TENM4: variants seen among roughly 807,000 people sequenced by gnomAD.
The protein encoded by TENM4 is teneurin transmembrane protein 4.
In TENM4, 82 loss-of-function variants were observed where a neutral mutation model predicts 243.3. The observed-to-expected ratio is 0.34, with a 90% CI of 0.28 to 0.40. The LOEUF (loss-of-function observed/expected upper bound fraction) is 0.40. Ranked by LOEUF, TENM4 falls within the 10% of genes least tolerant of loss-of-function variation. The pLI, the probability that TENM4 is intolerant of heterozygous loss-of-function variation, is 1.00. For missense variants in TENM4, 3,138 were observed against 3,673.3 expected, an observed-to-expected ratio of 0.85 and a Z score of 3.77; for synonymous variants, 1,412 against 1,456.3, an observed-to-expected ratio of 0.97 and a Z score of 0.69.
chr11:78,785,679 A>G (rs1856920885), intron 16 of TENM4, among the ~76,000 whole-genome samples: 1 of 152,238 alleles, frequency 6.6e-6, no homozygotes, highest in Non-Finnish European at 1.5e-5. Flanking sequence ...CATTATTATT[A>G]TTAATATTAA....
chr11:79,153,421 T>G (rs1157526487), intron 3 of TENM4, among the ~76,000 whole-genome samples: 15 of 152,182 alleles, frequency 9.9e-5, no homozygotes, highest in Non-Finnish European at 1.5e-5. Context: ...TGGGAAATTT[T>G]CTTCTCATGT....
In TENM4 at chr11:79,007,137, C is replaced by G. The variant is rs536422245; in HGVS notation, c.493+57601G>C. On this transcript the variant is annotated intron_variant, in intron 6 of 33. Transcript: ENST00000278550. ...GCTTTCATAATCATGTGAGCCAATT[C>G]TTTAAAATAAGCCTCTTTCTATATA... is the stretch of plus-strand genomic sequence containing the variant. 3.3e-5 allele frequency among the ~76,000 whole-genome samples: 5 copies of G among 152,318 alleles called. No individual in the cohort carries two copies. In the South Asian group the frequency reaches 1.0e-3, roughly 32 times the overall value.
At chr11:79,214,988 T>G (rs896641840) in intron 3 of TENM4, among the ~76,000 whole-genome samples, 1 of 152,240 alleles carries the variant, frequency 6.6e-6, no homozygotes, top group Non-Finnish European at 1.5e-5. Flanking sequence ...TAACTAAGCC[T>G]AAAAAGACTC....
intron 1 of TENM4, among the ~76,000 whole-genome samples, chr11:79,366,896 G>C (rs903789289): frequency 6.6e-6 from 1 of 152,120 alleles, no homozygotes; most frequent in Non-Finnish European, 1.5e-5. Context: ...TTATAGCTCT[G>C]CCAGAAGGCT....
chr11:79,244,210 G>T (rs1211031205), intron 2 of TENM4, among the ~76,000 whole-genome samples: 6 of 152,208 alleles, frequency 3.9e-5, no homozygotes. Flanking sequence ...TAATGCTCCT[G>T]GCTCGGGGAA....
chr11:79,379,452 C>T (rs576184597), intron 1 of TENM4, among the ~76,000 whole-genome samples: 6 of 152,216 alleles, frequency 3.9e-5, no homozygotes, highest in East Asian at 1.9e-4. Flanking sequence ...CTTTTAGATA[C>T]GATTGACGTG....
Position 78,720,397 on chromosome 11 carries a change from G to A in TENM4, c.3801-7C>T. The A allele has an allele frequency of 6.2e-7, 1 of 1,613,906 alleles. No homozygotes were observed. Among genetic ancestry groups the A allele is most frequent in the East Asian group, 2.2e-5 (1 of 44,888 alleles). On this transcript the variant is annotated splice_polypyrimidine_tract_variant and splice_region_variant and intron_variant, in intron 24 of 33. Coordinates refer to ENST00000278550, the MANE Select transcript of TENM4 (RefSeq NM_001098816.3). ...ATGTCTGAAATCTTTATTTCTGACAGAAGACAGGAGAGCAGGGAATAGAAG... is the reference window on the plus strand; with the variant it reads ...ATGTCTGAAATCTTTATTTCTGACAAAAGACAGGAGAGCAGGGAATAGAAG...
chr11:79,050,261 C>T (rs1011500800), intron 6 of TENM4, among the ~76,000 whole-genome samples: 19 of 152,150 alleles, frequency 1.2e-4, no homozygotes, highest in African/African-American at 1.2e-4. Flanking sequence ...AAAAGTGACA[C>T]GATCTTTTTT....
At chr11:79,262,497 A>T (rs1002783278) in intron 2 of TENM4, among the ~76,000 whole-genome samples, 3 of 152,176 alleles carry the variant, frequency 2.0e-5, no homozygotes, top group East Asian at 1.9e-4. Context: ...ACTGAAAACA[A>T]ATTTTATAAC....
chr11:79,097,253 T>A (rs1466005494), intron 4 of TENM4: 1 of 152,220 alleles, frequency 6.6e-6, no homozygotes, highest in Non-Finnish European at 1.5e-5. Context: ...CCACCTGTGC[T>A]TAAGGAGTTA....
chr11:79,183,911 G>A (rs947637091), intron 3 of TENM4, among the ~76,000 whole-genome samples: 3 of 152,190 alleles, frequency 2.0e-5, no homozygotes, highest in Admixed American at 1.3e-4. Flanking sequence ...TGGTGGGAAT[G>A]TAAAATAGTG....
In TENM4 at chr11:78,708,481, G is replaced by C. The variant is rs892237369; in HGVS notation, c.4089C>G (p.Phe1363Leu). Residue 1363 changes from phenylalanine (F) to leucine (L), a missense_variant, in exon 27 of 34, where the codon TTC (phenylalanine) becomes TTG (leucine). By Grantham distance (22) the Phe-to-Leu change is conservative. Coordinates refer to ENST00000278550, the MANE Select transcript of TENM4 (RefSeq NM_001098816.3). ...ITVDKFGLIY[F>L]VDGTMIRRID... The stretch of plus-strand genomic sequence containing the variant: ...TGCGTCTGATCATGGTGCCATCCAC[G>C]AAGTAGATCAGCCCAAACTTGTCCA... The C allele has an allele frequency of 6.2e-7, 1 of 1,613,974 alleles. No individual in the cohort carries two copies. The highest frequency in any genetic ancestry group is 8.5e-7 in the Non-Finnish European group (1 of 1,179,888).
intron 3 of TENM4, among the ~76,000 whole-genome samples, chr11:79,159,665 T>C (rs957185654): frequency 2.0e-5 from 3 of 152,164 alleles, no homozygotes; most frequent in Non-Finnish European, 2.9e-5. Flanking sequence ...TCTAGGTAGA[T>C]AGAGCTCCAG....
chr11:79,015,753 GAGCTTCT>G (rs1039018504), intron 6 of TENM4, among the ~76,000 whole-genome samples: 3 of 152,138 alleles, frequency 2.0e-5, no homozygotes, highest in African/African-American at 7.2e-5. Flanking sequence ...TGCTCTGATG[GAGCTTCT>G]AGTTTGGTGA....
intron 3 of TENM4, among the ~76,000 whole-genome samples, chr11:79,212,359 G>A (rs1448094694): frequency 2.0e-5 from 3 of 152,174 alleles, no homozygotes; most frequent in Admixed American, 6.5e-5. Context: ...TCAAGACACT[G>A]ATTTGCAACC....
chr11:79,030,543 C>T (rs894087745), intron 6 of TENM4, among the ~76,000 whole-genome samples: 4 of 152,274 alleles, frequency 2.6e-5, no homozygotes, highest in Middle Eastern at 3.4e-3. Flanking sequence ...CAGCTCCCCA[C>T]TGGATATCTG....
At chr11:78,998,389 G>T (rs1037724248) in intron 6 of TENM4, among the ~76,000 whole-genome samples, 3 of 152,186 alleles carry the variant, frequency 2.0e-5, no homozygotes, top group African/African-American at 7.2e-5. Flanking sequence ...AGATTTAAGA[G>T]GACTTTAGAA....
chr11:79,189,942 A>G (rs1259700752), intron 3 of TENM4, among the ~76,000 whole-genome samples: 1 of 152,204 alleles, frequency 6.6e-6, no homozygotes, highest in Non-Finnish European at 1.5e-5. Context: ...AATGCTTCAG[A>G]GGCAGTCACC....
intron 2 of TENM4, among the ~76,000 whole-genome samples, chr11:79,272,991 G>A (rs1004030202): frequency 1.3e-5 from 2 of 152,120 alleles, no homozygotes; most frequent in Non-Finnish European, 2.9e-5. Context: ...TCTGCTCAGG[G>A]ATGGTCCTAA....
Sources: gnomAD v4.1 joint callset for allele counts (sites outside exome capture counted in the v4.1 genomes callset) on GRCh38, gnomAD v4.1.1 for gene constraint, MANE v1.5 for transcripts, NCBI Gene and HGNC (gene_info 2026-07-23, HGNC 2026-07-21) for gene names.